The following YAF2 variants were observed in gnomAD, a reference collection of about 807,000 sequenced individuals.
YAF2 encodes the protein YY1-associated factor 2.
In YAF2, 7 loss-of-function variants were observed where a neutral mutation model predicts 20.1. The ratio of observed to expected loss-of-function variants is 0.35; its 90% confidence interval spans 0.20 to 0.65. YAF2 has a LOEUF of 0.65. Ranked by LOEUF, YAF2 falls within the 30% of genes least tolerant of loss-of-function variation. The probability of loss-of-function intolerance (pLI) is 0.69; values close to 1 mark genes in which losing one functional copy is unlikely to be tolerated. For missense variants in YAF2, 151 were observed against 219.2 expected, an observed-to-expected ratio of 0.69 and a Z score of 1.96; for synonymous variants, 74 against 76.0, an observed-to-expected ratio of 0.97 and a Z score of 0.14.
At chr12:42,192,354 C>A (rs550091971) in intron 2 of YAF2, among the ~76,000 whole-genome samples, 14 of 151,782 alleles carry the variant, frequency 9.2e-5, no homozygotes, top group South Asian at 8.3e-4. Context: ...CACACACACA[C>A]AAAAATTAGT....
At chr12:42,222,463 T>C (rs1460620683) in intron 2 of YAF2, among the ~76,000 whole-genome samples, 1 of 152,218 alleles carries the variant, frequency 6.6e-6, no homozygotes, top group Non-Finnish European at 1.5e-5. Context: ...CATTAATTAT[T>C]TGACTAGCGG....
chr12:42,226,084 G>A (rs1394963210), intron 2 of YAF2, among the ~76,000 whole-genome samples: 4 of 152,056 alleles, frequency 2.6e-5, no homozygotes, highest in Non-Finnish European at 5.9e-5. Context: ...CCTTGAAGAG[G>A]TCCTTCACAT....
Position 42,169,878 on chromosome 12 carries a change from C to CT in YAF2, c.153-8114dup, listed in dbSNP as rs71434389. ...CCTTCCTTTTCTCTCTCTCTCCTTT[C>CT]TTTTTTTTTTAAGACAGAGTCTTGC... On this transcript the variant is annotated intron_variant, in intron 2 of 3. Coordinates refer to ENST00000534854, the MANE Select transcript of YAF2 (RefSeq NM_005748.6). 3.2e-4 allele frequency among the ~76,000 whole-genome samples: 47 copies of CT among 145,584 alleles called. 1 individual carries two copies. The highest frequency in any genetic ancestry group is 6.6e-4 in the African/African-American group (26 of 39,254).
At chr12:42,211,083 T>C (rs1387416716) in intron 2 of YAF2, among the ~76,000 whole-genome samples, 1 of 152,230 alleles carries the variant, frequency 6.6e-6, no homozygotes, top group African/African-American at 2.4e-5. Context: ...ACTAATAATA[T>C]GTTAGAATTC....
intron 2 of YAF2, among the ~76,000 whole-genome samples, chr12:42,225,573 T>A (rs2067665909): frequency 6.6e-6 from 1 of 152,210 alleles, no homozygotes; most frequent in Non-Finnish European, 1.5e-5. Context: ...AAGGAAGGGA[T>A]CCAGTTTCAG....
chr12:42,160,628 G>A lies in YAF2; in HGVS notation c.504C>T (p.Pro168=), dbSNP rs140125752. Residue 168 remains proline, a synonymous_variant, in exon 4 of 4, where the codon CCC becomes CCT. Transcript: ENST00000534854. ...CATTCAATGATGAGGCTTCTCCTCT[G>A]GGTGAAGATGACCTGGACATTCCTC... is the stretch of plus-strand genomic sequence containing the variant. ...TERGMSRSSS[P]RGEASSLNGE... is the part of the protein sequence containing the mutation. 7.6e-5 allele frequency: 122 copies of A among 1,613,720 alleles called. 1 individual carries two copies. In the African/African-American group the frequency reaches 1.4e-3, roughly 18 times the overall value.
intron 2 of YAF2, chr12:42,235,389 T>C (rs2068116210): frequency 9.8e-7 from 1 of 1,024,162 alleles, no homozygotes. Flanking sequence ...AGGAAAAATA[T>C]TAATATTCTG....
chr12:42,227,907 G>C (rs1403315390), intron 2 of YAF2, among the ~76,000 whole-genome samples: 1 of 119,498 alleles, frequency 8.4e-6, no homozygotes, highest in Admixed American at 8.2e-5. Context: ...GCCTCTGCCC[G>C]GCCGCCCCTA....
At chr12:42,227,457 T>G in intron 2 of YAF2, among the ~76,000 whole-genome samples, 2 of 104,322 alleles carry the variant, frequency 1.9e-5, no homozygotes, top group Non-Finnish European at 1.9e-5. Context: ...CGGCCGCCCA[T>G]CGTCTGAGAT....
intron 2 of YAF2, among the ~76,000 whole-genome samples, chr12:42,228,532 T>C (rs868841089): frequency 0.15 from 1,712 of 11,484 alleles, 266 homozygotes; most frequent in Middle Eastern, 0.25. Context: ...AGGTGAGGGG[T>C]GCCTCTGCCC....
chr12:42,180,791 T>C (rs2066322617), intron 2 of YAF2, among the ~76,000 whole-genome samples: 1 of 151,774 alleles, frequency 6.6e-6, no homozygotes, highest in African/African-American at 2.4e-5. Flanking sequence ...TCTACTAAAA[T>C]AGAAAAATTA....
At chr12:42,189,428 A>C (rs2066556710) in intron 2 of YAF2, among the ~76,000 whole-genome samples, 1 of 152,198 alleles carries the variant, frequency 6.6e-6, no homozygotes, top group Non-Finnish European at 1.5e-5. Context: ...CTATAATTAA[A>C]GGTTTAAAAC....
At chr12:42,198,759 C>A (rs1238535383) in intron 2 of YAF2, among the ~76,000 whole-genome samples, 1 of 152,070 alleles carries the variant, frequency 6.6e-6, no homozygotes, top group East Asian at 1.9e-4. Context: ...AGCCCACGAA[C>A]AAGTGAAGCA....
intron 2 of YAF2, among the ~76,000 whole-genome samples, chr12:42,205,302 G>C (rs2067008829): frequency 6.6e-6 from 1 of 151,278 alleles, no homozygotes; most frequent in Admixed American, 6.6e-5. Flanking sequence ...TATTTTTCTT[G>C]GGTATTTCCG....
At chr12:42,188,084 T>C (rs929731404) in intron 2 of YAF2, among the ~76,000 whole-genome samples, 3 of 152,174 alleles carry the variant, frequency 2.0e-5, no homozygotes. Context: ...TGCTCCCAAA[T>C]TCCTGACTCA....
At chr12:42,237,932 A>C in intron 1 of YAF2, 2 of 425,594 alleles carry the variant, frequency 4.7e-6, no homozygotes, top group Non-Finnish European at 6.5e-6. Flanking sequence ...CCGCCGCCAC[A>C]GCCGCTCTGA....
chr12:42,162,677 T>C (rs557184036), intron 2 of YAF2, among the ~76,000 whole-genome samples: 1 of 152,200 alleles, frequency 6.6e-6, no homozygotes, highest in South Asian at 2.1e-4. Flanking sequence ...TTTTAAAAAA[T>C]CTTTTTTTCT....
At chr12:42,208,705 C>T (rs1336126798) in intron 2 of YAF2, among the ~76,000 whole-genome samples, 1 of 152,088 alleles carries the variant, frequency 6.6e-6, no homozygotes, top group Non-Finnish European at 1.5e-5. Context: ...CATAAAAGGA[C>T]TGATAAAAGG....
chr12:42,209,842 A>G (rs2067155815), intron 2 of YAF2, among the ~76,000 whole-genome samples: 1 of 152,186 alleles, frequency 6.6e-6, no homozygotes. Context: ...CTTGTTGCCC[A>G]GGTTGGAGTG....
Sources: gnomAD v4.1 joint callset for allele counts (sites outside exome capture counted in the v4.1 genomes callset) on GRCh38, gnomAD v4.1.1 for gene constraint, MANE v1.5 for transcripts, NCBI Gene and HGNC (gene_info 2026-07-23, HGNC 2026-07-21) for gene names.